The following PCDHA11 variants were observed in gnomAD, a reference collection of about 807,000 sequenced individuals.
The protein encoded by PCDHA11 is protocadherin alpha-11.
PCDHA11 carries 61 observed loss-of-function variants against 70.3 expected under a neutral mutation model. The observed-to-expected ratio is 0.87, with a 90% CI of 0.71 to 1.07. PCDHA11 has a LOEUF of 1.07. Ranked by LOEUF, PCDHA11 falls within the 50% of genes least tolerant of loss-of-function variation. PCDHA11 has a pLI of 0.00. For synonymous variants in PCDHA11, 633 were observed against 555.1 expected, an observed-to-expected ratio of 1.14 and a Z score of -1.97; for missense variants, 1,324 against 1,237.5, an observed-to-expected ratio of 1.07 and a Z score of -1.05.
At chr5:140,979,129 A>T (rs1316213932) in intron 2 of PCDHA11, 122 bp downstream of exon 2, 1 of 1,477,514 alleles carries the variant, frequency 6.8e-7, no homozygotes, top group Non-Finnish European at 9.0e-7. Flanking sequence ...CTTTGCCAGG[A>T]AAATGCAATT....
chr5:140,882,462 G>T, intron 1 of PCDHA11: 1 of 1,614,036 alleles, frequency 6.2e-7, no homozygotes, highest in Non-Finnish European at 8.5e-7. Context: ...CGCCTGTTCC[G>T]GGTGGCGTCC....
chr5:140,929,279 T>C (rs368682683), intron 1 of PCDHA11: 1 of 1,603,874 alleles, frequency 6.2e-7, no homozygotes, highest in Non-Finnish European at 8.5e-7. Context: ...ATATCCTGTA[T>C]TCAGATTCGG....
Position 140,877,016 on chromosome 5 carries a change from G to T in PCDHA11, c.2391+5522G>T, listed in dbSNP as rs781790454. The T allele has an allele frequency of 4.7e-5, 76 of 1,612,480 alleles. No individual in the cohort carries two copies. The highest frequency in any genetic ancestry group is 4.0e-4 in the Middle Eastern group (2 of 5,052). The stretch of plus-strand genomic sequence containing the variant: ...TACGTGTCGGTGCACGCGGAGAGCG[G>T]CAAGGTGTACGCGCTGCAGCCGCTA... On this transcript the variant is annotated intron_variant, in intron 1 of 3. Coordinates refer to ENST00000398640, the MANE Select transcript of PCDHA11 (RefSeq NM_018902.5).
At chr5:140,977,559 A>G (rs1383080307) in intron 1 of PCDHA11, among the ~76,000 whole-genome samples, 2 of 152,204 alleles carry the variant, frequency 1.3e-5, no homozygotes. Context: ...ATATCTTGCT[A>G]GCAGATTGGT....
At chr5:140,914,079 A>G (rs2076595090) in intron 1 of PCDHA11, among the ~76,000 whole-genome samples, 1 of 152,164 alleles carries the variant, frequency 6.6e-6, no homozygotes, top group South Asian at 2.1e-4. Context: ...ATAACTATCT[A>G]TTAGGTCAAT....
chr5:140,991,748 T>C (rs1192231997), intron 3 of PCDHA11, among the ~76,000 whole-genome samples: 4 of 152,224 alleles, frequency 2.6e-5, no homozygotes, highest in Non-Finnish European at 4.4e-5. Flanking sequence ...AGGCTCTTTC[T>C]ATCATGCTCT....
intron 1 of PCDHA11, chr5:140,966,633 C>G (rs2096029445): frequency 8.9e-6 from 9 of 1,005,802 alleles, no homozygotes; most frequent in Non-Finnish European, 5.4e-6. Flanking sequence ...CGGCCCCAGG[C>G]GCTTTCTAGA....
chr5:140,871,698 C>A, intron 1 of PCDHA11: 2 of 905,580 alleles, frequency 2.2e-6, no homozygotes, highest in Non-Finnish European at 3.2e-6. Context: ...GCTTCTTTAA[C>A]CAATAAATGT....
At chr5:140,951,082 C>G (rs1563248212) in intron 1 of PCDHA11, among the ~76,000 whole-genome samples, 1 of 151,404 alleles carries the variant, frequency 6.6e-6, no homozygotes, top group African/African-American at 2.4e-5. Context: ...TTATATTTTC[C>G]TTTTTTTCTG....
intron 1 of PCDHA11, among the ~76,000 whole-genome samples, chr5:140,963,606 G>A (rs79307503): frequency 0.011 from 1,749 of 152,250 alleles, 32 homozygotes; most frequent in African/African-American, 0.039. Context: ...AGACGTAATT[G>A]GGAAAGCTTA....
chr5:141,000,393 CTCTATATATATA>C (rs1208951211), intron 3 of PCDHA11, among the ~76,000 whole-genome samples: 9 of 52,848 alleles, frequency 1.7e-4, no homozygotes, highest in African/African-American at 6.4e-4. Context: ...CTCTCTCTCT[CTCTATATATATA>C]TATATATATA....
chr5:140,892,901 C>G (rs994625869), intron 1 of PCDHA11, among the ~76,000 whole-genome samples: 1 of 152,196 alleles, frequency 6.6e-6, no homozygotes, highest in African/African-American at 2.4e-5. Flanking sequence ...CTTTCCCCAT[C>G]CTCCTTTTCC....
At position 140,871,287 on chromosome 5, in the gene PCDHA11, G is replaced by C. The variant is rs782751803; in HGVS notation, c.2184G>C (p.Glu728Asp). ...TGTGGTGGTCGGCAACGCCCACTGAGGGCGCGTGCGCGCCGGGGAAGCCCA... is the reference window on the plus strand; with the variant it reads ...TGTGGTGGTCGGCAACGCCCACTGACGGCGCGTGCGCGCCGGGGAAGCCCA... The part of the protein sequence containing the change: ...TALWWSATPT[E>D]GACAPGKPTL... The change falls in exon 1 of 4, where the codon GAG (glutamate) becomes GAC (aspartate). Residue 728 changes from glutamate (E) to aspartate (D), a missense_variant. Transcript: ENST00000398640. The C allele has an allele frequency of 1.2e-6, 2 of 1,613,932 alleles. No individual in the cohort carries two copies. Among genetic ancestry groups the C allele is most frequent in the Middle Eastern group, 1.7e-4 (1 of 6,058 alleles).
At chr5:140,875,304 A>AC in intron 1 of PCDHA11, 4 of 1,416,396 alleles carry the variant, frequency 2.8e-6, no homozygotes, top group Non-Finnish European at 3.7e-6. Flanking sequence ...TTTTCTCCGC[A>AC]CCCACATTCC....
intron 3 of PCDHA11, among the ~76,000 whole-genome samples, chr5:140,984,528 T>C (rs1187541000): frequency 7.2e-5 from 11 of 152,216 alleles, no homozygotes; most frequent in African/African-American, 2.4e-4. Flanking sequence ...ACAGTCTTCA[T>C]GGACTGTGCT....
At chr5:140,877,724 C>A in intron 1 of PCDHA11, 1 of 1,614,150 alleles carries the variant, frequency 6.2e-7, no homozygotes, top group Non-Finnish European at 8.5e-7. Context: ...TGGTCTTACT[C>A]GCAGCAGAGG....
In PCDHA11 at chr5:140,927,607, C is replaced by G. The variant is rs558609705; in HGVS notation, c.2392-51342C>G. On this transcript the variant is annotated intron_variant, in intron 1 of 3. Transcript: ENST00000398640. ...GCCTGTATTTGAGCGCTCCGTATACCGCACCAAGGTTCCAGAGACTGCACC... is the reference window on the plus strand; with the variant it reads ...GCCTGTATTTGAGCGCTCCGTATACGGCACCAAGGTTCCAGAGACTGCACC... 1.5e-5 allele frequency: 24 copies of G among 1,614,180 alleles called. 1 individual carries two copies. In the South Asian group the frequency reaches 2.6e-4, roughly 18 times the overall value.
chr5:140,922,830 A>G (rs2081013341), intron 1 of PCDHA11, among the ~76,000 whole-genome samples: 1 of 152,264 alleles, frequency 6.6e-6, no homozygotes, highest in Admixed American at 6.5e-5. Context: ...TACTGCTAAT[A>G]GATGTCCTCA....
At chr5:140,877,155 C>T in intron 1 of PCDHA11, 2 of 1,613,798 alleles carry the variant, frequency 1.2e-6, no homozygotes, top group Non-Finnish European at 1.7e-6. Context: ...AGAACGACAA[C>T]GCGCCGGCAC....
Sources: gnomAD v4.1 joint callset for allele counts (sites outside exome capture counted in the v4.1 genomes callset) on GRCh38, gnomAD v4.1.1 for gene constraint, MANE v1.5 for transcripts, NCBI Gene and HGNC (gene_info 2026-07-23, HGNC 2026-07-21) for gene names.